The following SRPK2 variants were observed in gnomAD, a reference collection of about 807,000 sequenced individuals.
The protein encoded by SRPK2 is SFRS protein kinase 2.
SRPK2 carries 21 observed loss-of-function variants against 90.8 expected under a neutral mutation model. The observed-to-expected ratio is 0.23, with a 90% confidence interval of 0.16 to 0.33. The LOEUF (loss-of-function observed/expected upper bound fraction) is 0.33, where lower values mean the gene tolerates loss of function less well. Ranked by LOEUF, SRPK2 falls within the 10% of genes least tolerant of loss-of-function variation. The probability of loss-of-function intolerance (pLI) is 1.00; values close to 1 mark genes in which losing one functional copy is unlikely to be tolerated. For missense variants in SRPK2, 620 were observed against 869.0 expected (o/e 0.71, Z 3.60); for synonymous variants, 288 against 311.1 (o/e 0.93, Z 0.78).
chr7:105,268,748 G>A (rs574628359), intron 2 of SRPK2: 6 of 1,533,196 alleles, frequency 3.9e-6, no homozygotes, highest in African/African-American at 2.7e-5. Flanking sequence ...AATATGTCCT[G>A]GTTTGTTTCT....
Position 105,220,100 on chromosome 7 carries a change from G to C in SRPK2, c.72-16315C>G, listed in dbSNP as rs149334360. Among the ~76,000 whole-genome samples the C allele has an allele frequency of 7.3e-3, 1,115 of 152,290 alleles. 8 individuals carry two copies. Among genetic ancestry groups the C allele is most frequent in the Non-Finnish European group, 0.014 (954 of 68,014 alleles). On this transcript the variant is annotated intron_variant, in intron 2 of 15. Transcript: ENST00000393651. ...AAAAAATGAAATACGGTTTAATCAA[G>C]TGATTAATGTTTTTAAAATAAGCAG...
chr7:105,196,296 T>C (rs1794906111), intron 3 of SRPK2, among the ~76,000 whole-genome samples: 1 of 152,202 alleles, frequency 6.6e-6, no homozygotes. Context: ...GCAGCATTAA[T>C]GATTTTAAGT....
At chr7:105,294,909 T>C (rs1462249484) in intron 2 of SRPK2, among the ~76,000 whole-genome samples, 2 of 152,172 alleles carry the variant, frequency 1.3e-5, no homozygotes, top group Non-Finnish European at 2.9e-5. Flanking sequence ...ATATTAGTTT[T>C]CTTTAAAAAA....
At chr7:105,114,771 C>T (rs1799535103), downstream of SRPK2, among the ~76,000 whole-genome samples, 4 of 152,070 alleles carry the variant, frequency 2.6e-5, no homozygotes, top group Admixed American at 2.6e-4. Flanking sequence ...TATTTATTTC[C>T]TTTTGAAAAT....
intron 10 of SRPK2, 100 bp downstream of exon 10, chr7:105,142,984 C>A: frequency 4.8e-6 from 7 of 1,463,340 alleles, no homozygotes; most frequent in Non-Finnish European, 6.4e-6. Context: ...TCCTTGTCAT[C>A]TGCAGCAGCA....
chr7:105,265,894 C>T (rs1365534702), intron 2 of SRPK2, among the ~76,000 whole-genome samples: 1 of 152,020 alleles, frequency 6.6e-6, no homozygotes, highest in Non-Finnish European at 1.5e-5. Context: ...ATAGCATTCT[C>T]TGCTCTTAAT....
At chr7:105,330,740 G>C (rs142763623) in intron 2 of SRPK2, among the ~76,000 whole-genome samples, 2 of 152,114 alleles carry the variant, frequency 1.3e-5, no homozygotes, top group African/African-American at 4.8e-5. Context: ...GGTGCTTTCC[G>C]AGGCCAAGGC....
intron 2 of SRPK2, among the ~76,000 whole-genome samples, chr7:105,382,331 T>C (rs1821041677): frequency 6.6e-6 from 1 of 151,768 alleles, no homozygotes; most frequent in South Asian, 2.1e-4. Context: ...GGCGGGTGGA[T>C]CACCTGAGGT....
chr7:105,326,197 A>G (rs759837727), intron 2 of SRPK2, among the ~76,000 whole-genome samples: 2 of 152,182 alleles, frequency 1.3e-5, no homozygotes, highest in Non-Finnish European at 2.9e-5. Flanking sequence ...CTCCTCTACT[A>G]AGACCACCTG....
At chr7:105,231,857 T>C (rs957358339) in intron 2 of SRPK2, among the ~76,000 whole-genome samples, 2 of 152,246 alleles carry the variant, frequency 1.3e-5, no homozygotes, top group African/African-American at 4.8e-5. Context: ...ATTCTGTAGA[T>C]TGTCCATTTA....
intron 3 of SRPK2, among the ~76,000 whole-genome samples, chr7:105,172,347 T>C (rs1036101663): frequency 1.5e-4 from 23 of 152,300 alleles, no homozygotes; most frequent in Middle Eastern, 3.4e-3. Flanking sequence ...AGGTGTTCAA[T>C]AGAGGAGCAG....
intron 13 of SRPK2, among the ~76,000 whole-genome samples, chr7:105,132,452 T>A (rs1173534239): frequency 6.6e-6 from 1 of 152,122 alleles, no homozygotes; most frequent in Non-Finnish European, 1.5e-5. Context: ...AGGGAAAAGC[T>A]CCCTATACCC....
chr7:105,172,948 C>G (rs1046132626), intron 3 of SRPK2, among the ~76,000 whole-genome samples: 9 of 152,184 alleles, frequency 5.9e-5, no homozygotes, highest in African/African-American at 1.9e-4. Context: ...TGAGCAAAAA[C>G]AGAAGAGCAC....
Position 105,318,885 on chromosome 7 carries a change from A to G in SRPK2, c.71+69763T>C, listed in dbSNP as rs573312299. Among the ~76,000 whole-genome samples, 4 of 152,366 alleles carry G rather than the reference A, an allele frequency of 2.6e-5. No homozygotes were observed. In the South Asian group the frequency reaches 6.2e-4, roughly 24 times the overall value. On this transcript the variant is annotated intron_variant, in intron 2 of 15. Transcript: ENST00000393651. ...CGAGGTATCAGTATTTTACATATCC[A>G]GTTTTTAACCACTGTATTCCAAAGA...
chr7:105,343,056 G>T (rs1305212355), intron 2 of SRPK2, among the ~76,000 whole-genome samples: 1 of 152,204 alleles, frequency 6.6e-6, no homozygotes, highest in Non-Finnish European at 1.5e-5. Flanking sequence ...CAGATAAGTG[G>T]TAAGAGATGG....
At chr7:105,145,348 C>T in intron 8 of SRPK2, 40 bp from the exon 9 acceptor site, 1 of 1,496,240 alleles carries the variant, frequency 6.7e-7, no homozygotes, top group Non-Finnish European at 9.1e-7. Flanking sequence ...TAGCAGAAAA[C>T]AGACACATGC....
At chr7:105,367,463 G>A (rs185377030) in intron 2 of SRPK2, among the ~76,000 whole-genome samples, 26 of 151,912 alleles carry the variant, frequency 1.7e-4, no homozygotes, top group Admixed American at 1.3e-3. Flanking sequence ...GGGTCTCACC[G>A]TGTTGCCCAG....
At chr7:105,331,542 A>C (rs1814411484) in intron 2 of SRPK2, among the ~76,000 whole-genome samples, 1 of 152,092 alleles carries the variant, frequency 6.6e-6, no homozygotes, top group Non-Finnish European at 1.5e-5. Flanking sequence ...AACTTAAAGG[A>C]GTTCTGACAT....
At chr7:105,123,099 C>T (rs906758980) in intron 15 of SRPK2, among the ~76,000 whole-genome samples, 5 of 151,998 alleles carry the variant, frequency 3.3e-5, no homozygotes, top group East Asian at 1.9e-4. Context: ...AATTCATGGA[C>T]GTGCTGATTT....
Sources: allele counts gnomAD v4.1 joint callset (sites outside exome capture counted in the v4.1 genomes callset), GRCh38; gene constraint gnomAD v4.1.1; transcripts MANE v1.5; gene names NCBI Gene and HGNC (gene_info 2026-07-23, HGNC 2026-07-21).